Variants in MRPL13 observed in about 807,000 individuals in gnomAD.
The protein encoded by MRPL13 is mitochondrial ribosomal protein L13.
In MRPL13, 33 loss-of-function variants were observed where a neutral mutation model predicts 29.0. The ratio of observed to expected loss-of-function variants is 1.14; its 90% CI spans 0.86 to 1.52. MRPL13 has a LOEUF of 1.52. Ranked by LOEUF, MRPL13 falls within the 40% of genes most tolerant of loss-of-function variation. The pLI is 0.00. For missense variants in MRPL13, 227 were observed against 216.7 expected (o/e 1.05, Z -0.30); for synonymous variants, 77 against 68.4 (o/e 1.13, Z -0.62).
At chr8:120,407,881 T>C (rs1230985662) in intron 6 of MRPL13, among the ~76,000 whole-genome samples, 12 of 152,186 alleles carry the variant, frequency 7.9e-5, no homozygotes, top group Admixed American at 6.5e-4. Flanking sequence ...GCTTATTCTA[T>C]GAAACATTTA....
chr8:120,438,258 G>C (rs772960256), intron 2 of MRPL13, among the ~76,000 whole-genome samples: 19 of 152,238 alleles, frequency 1.2e-4, no homozygotes, highest in Admixed American at 3.9e-4. Flanking sequence ...CAGCTACCTG[G>C]GAGGCTCAGA....
At chr8:120,441,383 A>ACCTCTT (rs1175324019) in intron 2 of MRPL13, among the ~76,000 whole-genome samples, 62 of 152,314 alleles carry the variant, frequency 4.1e-4, no homozygotes, top group African/African-American at 1.4e-3. Flanking sequence ...GCATGAGAAG[A>ACCTCTT]GGTTCAAGGA....
At chr8:120,427,080 T>C (rs1456088650) in intron 3 of MRPL13, among the ~76,000 whole-genome samples, 1 of 152,134 alleles carries the variant, frequency 6.6e-6, no homozygotes, top group Non-Finnish European at 1.5e-5. Flanking sequence ...GGAAAAGGCA[T>C]GTAATAATAT....
chr8:120,397,224 CAG>C (rs74381205), intron 6 of MRPL13, among the ~76,000 whole-genome samples: 84,868 of 151,400 alleles, frequency 0.56, 25,635 homozygotes, highest in Non-Finnish European at 0.67. Flanking sequence ...CAGAGCTGTG[CAG>C]AGTCTTGGCA....
chr8:120,403,407 C>T (rs533707531), intron 6 of MRPL13, among the ~76,000 whole-genome samples: 1 of 152,234 alleles, frequency 6.6e-6, no homozygotes, highest in Admixed American at 6.5e-5. Flanking sequence ...CCAAACACCA[C>T]ATGTTCTCAC....
At chr8:120,444,986 T>A in intron 1 of MRPL13, 82 bp downstream of exon 1, 1 of 1,594,148 alleles carries the variant, frequency 6.3e-7, no homozygotes, top group Non-Finnish European at 8.6e-7. Context: ...CCGCCCCAGC[T>A]TCACTACTTA....
intron 2 of MRPL13, among the ~76,000 whole-genome samples, chr8:120,439,608 C>T (rs1813094319): frequency 6.6e-6 from 1 of 152,158 alleles, no homozygotes; most frequent in Admixed American, 6.5e-5. Flanking sequence ...CACAAAACAT[C>T]TGTTTGAAAG....
In MRPL13 at chr8:120,443,326, A is replaced by G. The variant is rs1819996612; in HGVS notation, c.28-18T>C. The G allele has an allele frequency of 6.4e-7, 1 of 1,557,192 alleles. No homozygotes were observed. On this transcript the variant is annotated intron_variant, in intron 1 of 6. Coordinates refer to ENST00000306185, the MANE Select transcript of MRPL13 (RefSeq NM_014078.6). Reference sequence around the variant, plus strand: ...GCCCATTGCTTGGGGGGGAAAAAAAAAAAAAAGAAGAGGAAAAAATAAAGA... The same window carrying G: ...GCCCATTGCTTGGGGGGGAAAAAAAGAAAAAAGAAGAGGAAAAAATAAAGA...
chr8:120,413,864 G>A (rs1812770113), intron 6 of MRPL13, 127 bp downstream of exon 6: 2 of 1,202,394 alleles, frequency 1.7e-6, no homozygotes, highest in Non-Finnish European at 2.2e-6. Context: ...GGTAGTAGCT[G>A]CTGAGTTCCC....
intron 2 of MRPL13, among the ~76,000 whole-genome samples, chr8:120,440,517 A>C (rs1165511369): frequency 6.6e-6 from 1 of 151,956 alleles, no homozygotes; most frequent in East Asian, 1.9e-4. Context: ...AAGCAGGAGA[A>C]ATGCTTGAAC....
intron 6 of MRPL13, among the ~76,000 whole-genome samples, chr8:120,412,173 T>G (rs1326889263): frequency 6.6e-6 from 1 of 152,174 alleles, no homozygotes; most frequent in Non-Finnish European, 1.5e-5. Context: ...TCATTTATGA[T>G]GGTGTTTCTG....
chr8:120,420,112 T>A (rs1812852771), intron 4 of MRPL13, among the ~76,000 whole-genome samples, 174 bp from the exon 5 acceptor site: 1 of 151,974 alleles, frequency 6.6e-6, no homozygotes, highest in Non-Finnish European at 1.5e-5. Context: ...TATTACTTTG[T>A]ACATTACTAT....
At chr8:120,408,706 C>T (rs1469473521) in intron 6 of MRPL13, among the ~76,000 whole-genome samples, 3 of 152,134 alleles carry the variant, frequency 2.0e-5, no homozygotes, top group African/African-American at 7.2e-5. Flanking sequence ...GGTAAAAATC[C>T]TTCTACATTG....
chr8:120,409,069 T>C (rs773663181), intron 6 of MRPL13, among the ~76,000 whole-genome samples: 7 of 152,146 alleles, frequency 4.6e-5, no homozygotes, highest in Non-Finnish European at 8.8e-5. Flanking sequence ...CCATCTCTCC[T>C]TTGCAGGCAC....
At chr8:120,399,902 G>A (rs4452825) in intron 6 of MRPL13, among the ~76,000 whole-genome samples, 133,103 of 152,198 alleles carry the variant, frequency 0.87, 58,365 homozygotes, top group Non-Finnish European at 0.91. Context: ...GAAGGGCATT[G>A]CATAATGGTA....
chr8:120,402,504 G>T (rs1427227346), intron 6 of MRPL13, among the ~76,000 whole-genome samples: 1 of 152,116 alleles, frequency 6.6e-6, no homozygotes, highest in Non-Finnish European at 1.5e-5. Context: ...TTTAACTCAA[G>T]GTGAATTAAA....
chr8:120,440,923 C>T (rs1446121148), intron 2 of MRPL13, among the ~76,000 whole-genome samples: 23 of 151,826 alleles, frequency 1.5e-4, no homozygotes, highest in Admixed American at 1.4e-3. Context: ...TGGAGTACAG[C>T]AGCTTAAAAT....
At chr8:120,423,037 TAA>T (rs906375956) in intron 4 of MRPL13, among the ~76,000 whole-genome samples, 2 of 151,876 alleles carry the variant, frequency 1.3e-5, no homozygotes, top group Admixed American at 1.3e-4. Context: ...TAAAGAAATA[TAA>T]GAGTGAACCA....
intron 5 of MRPL13, chr8:120,415,036 T>C (rs2130463109): frequency 6.6e-6 from 1 of 152,152 alleles, no homozygotes; most frequent in South Asian, 2.1e-4. Flanking sequence ...AAAGCACATA[T>C]CTAAGACATT....
Sources: gnomAD v4.1 joint callset for allele counts (sites outside exome capture counted in the v4.1 genomes callset) on GRCh38, gnomAD v4.1.1 for gene constraint, MANE v1.5 for transcripts, NCBI Gene and HGNC (gene_info 2026-07-23, HGNC 2026-07-21) for gene names.